The following AVL9 variants were observed in gnomAD, a reference collection of about 807,000 sequenced individuals.
AVL9 encodes AVL9 cell migration associated, also known as late secretory pathway protein AVL9 homolog.
AVL9 carries 49 observed loss-of-function variants against 79.2 expected under a neutral mutation model. The ratio of observed to expected loss-of-function variants is 0.62; its 90% CI spans 0.49 to 0.79. AVL9 has a LOEUF of 0.79. Among genes scored for constraint, AVL9 ranks in the 30% least tolerant of loss-of-function variants. The pLI, the probability that AVL9 is intolerant of heterozygous loss-of-function variation, is 0.00. For synonymous variants in AVL9, 299 were observed against 280.6 expected, an observed-to-expected ratio of 1.07 and a Z score of -0.65; for missense variants, 682 against 776.8, an observed-to-expected ratio of 0.88 and a Z score of 1.45.
chr7:32,531,215 C>T (rs1253961226), intron 1 of AVL9, among the ~76,000 whole-genome samples: 1 of 152,072 alleles, frequency 6.6e-6, no homozygotes, highest in African/African-American at 2.4e-5. Context: ...TGGCCTCAGT[C>T]TAGAGCTTGC....
chr7:32,529,144 G>GT (rs1788529109), intron 1 of AVL9, among the ~76,000 whole-genome samples: 1 of 152,174 alleles, frequency 6.6e-6, no homozygotes, highest in African/African-American at 2.4e-5. Context: ...ACTTTCATTA[G>GT]CAGTCCATGA....
intron 6 of AVL9, 90 bp from the exon 7 acceptor site, chr7:32,553,637 A>G: frequency 2.3e-6 from 2 of 886,010 alleles, no homozygotes; most frequent in Non-Finnish European, 1.8e-6. Flanking sequence ...TTTTTTTTTT[A>G]ACCTTTCTTT....
At chr7:32,497,908 C>T (rs925723368) in intron 1 of AVL9, among the ~76,000 whole-genome samples, 1 of 152,230 alleles carries the variant, frequency 6.6e-6, no homozygotes, top group African/African-American at 2.4e-5. Flanking sequence ...GCCTCGGCCT[C>T]CCAAAGTGCT....
chr7:32,507,121 A>C (rs528332430), intron 1 of AVL9, among the ~76,000 whole-genome samples: 23 of 152,164 alleles, frequency 1.5e-4, no homozygotes, highest in Non-Finnish European at 2.2e-4. Flanking sequence ...CAGTTGGCAA[A>C]TGGGAAGGGA....
chr7:32,578,055 T>C (rs1018893933), intron 13 of AVL9, among the ~76,000 whole-genome samples: 1 of 152,150 alleles, frequency 6.6e-6, no homozygotes, highest in African/African-American at 2.4e-5. Context: ...TTTATATACA[T>C]ACCATCTTCA....
intron 1 of AVL9, among the ~76,000 whole-genome samples, chr7:32,540,589 G>A (rs1789134762): frequency 6.6e-6 from 1 of 152,148 alleles, no homozygotes; most frequent in Non-Finnish European, 1.5e-5. Flanking sequence ...TAAGCTTGGT[G>A]ATCTTTTAAA....
At chr7:32,507,507 T>A (rs1260599576) in intron 1 of AVL9, among the ~76,000 whole-genome samples, 2 of 152,212 alleles carry the variant, frequency 1.3e-5, no homozygotes, top group Admixed American at 1.3e-4. Flanking sequence ...ATATATTATG[T>A]GTGCTTTTGT....
At chr7:32,528,868 G>C (rs1219349847) in intron 1 of AVL9, among the ~76,000 whole-genome samples, 1 of 151,980 alleles carries the variant, frequency 6.6e-6, no homozygotes, top group Non-Finnish European at 1.5e-5. Context: ...AAATTAGCCG[G>C]GCATGGTGGC....
intron 1 of AVL9, among the ~76,000 whole-genome samples, chr7:32,499,008 A>AT (rs1562745992): frequency 0.25 from 1 of 4 alleles, no homozygotes; most frequent in African/African-American, 0.5. Context: ...TACTAAAAAT[A>AT]CAAAATTAGC....
chr7:32,507,182 C>T (rs1280695909), intron 1 of AVL9, among the ~76,000 whole-genome samples: 2 of 152,096 alleles, frequency 1.3e-5, no homozygotes, highest in Admixed American at 6.6e-5. Flanking sequence ...TTGTCCCTCC[C>T]ACCCAGAATC....
At chr7:32,498,756 CATTT>C (rs1786979859) in intron 1 of AVL9, among the ~76,000 whole-genome samples, 2 of 151,760 alleles carry the variant, frequency 1.3e-5, no homozygotes, top group South Asian at 4.2e-4. Context: ...TCTACCATAA[CATTT>C]AAAGTTGTTT....
chr7:32,564,867 A>G (rs374578751), intron 10 of AVL9, among the ~76,000 whole-genome samples: 1 of 152,192 alleles, frequency 6.6e-6, no homozygotes, highest in Non-Finnish European at 1.5e-5. Context: ...TACGAAAATT[A>G]GAGGATGATT....
intron 1 of AVL9, among the ~76,000 whole-genome samples, chr7:32,497,214 G>C (rs1044413198): frequency 6.6e-6 from 1 of 152,230 alleles, no homozygotes; most frequent in Admixed American, 6.5e-5. Context: ...AATTAGCTGC[G>C]CGTGGTGGCA....
At chr7:32,552,365 TA>T in intron 6 of AVL9, 70 bp downstream of exon 6, 1 of 934,734 alleles carries the variant, frequency 1.1e-6, no homozygotes, top group Non-Finnish European at 1.7e-6. Flanking sequence ...GAGTTGCGTG[TA>T]AAACTTTGAT....
Position 32,543,221 on chromosome 7 carries a change from C to T in AVL9, c.174C>T (p.Pro58=), listed in dbSNP as rs745585928. The T allele has an allele frequency of 6.2e-7, 1 of 1,614,170 alleles. No homozygotes were observed. Among genetic ancestry groups the T allele is most frequent in the Admixed American group, 1.7e-5 (1 of 60,026 alleles). ...TACCTGAAGAATGGAAGTATTTGCC[C>T]TTCCTTGCCTTACCAGATGGCGCAC... ...HTLPEEWKYL[P]FLALPDGAHN... The change falls in exon 2 of 16, where the codon CCC becomes CCT. Residue 58 remains proline, a synonymous_variant. Coordinates refer to ENST00000318709, the MANE Select transcript of AVL9 (RefSeq NM_015060.3).
chr7:32,512,075 A>G (rs4629759), intron 1 of AVL9, among the ~76,000 whole-genome samples: 147,727 of 152,298 alleles, frequency 0.97, 71,790 homozygotes, highest in East Asian at 1. Context: ...GCTCCCTTTT[A>G]TTCTAGTGAG....
chr7:32,515,841 G>A (rs1353718572), intron 1 of AVL9, among the ~76,000 whole-genome samples: 5 of 151,966 alleles, frequency 3.3e-5, no homozygotes, highest in African/African-American at 1.2e-4. Flanking sequence ...CAAATTGTAG[G>A]GAACAAGGCC....
chr7:32,505,045 TG>T (rs1787345635), intron 1 of AVL9, among the ~76,000 whole-genome samples: 1 of 151,706 alleles, frequency 6.6e-6, no homozygotes, highest in South Asian at 2.1e-4. Context: ...CGCTAATTTT[TG>T]TATTTTTAGT....
At chr7:32,526,464 C>T (rs1788404320) in intron 1 of AVL9, among the ~76,000 whole-genome samples, 1 of 152,116 alleles carries the variant, frequency 6.6e-6, no homozygotes, top group Admixed American at 6.5e-5. Context: ...AGGGTAAGGA[C>T]CTCTCAAAAA....
Sources: gnomAD v4.1 joint callset for allele counts (sites outside exome capture counted in the v4.1 genomes callset) on GRCh38, gnomAD v4.1.1 for gene constraint, MANE v1.5 for transcripts, NCBI Gene and HGNC (gene_info 2026-07-23, HGNC 2026-07-21) for gene names.